The following PTPRD variants were observed in gnomAD, a reference collection of about 807,000 sequenced individuals.
PTPRD encodes protein tyrosine phosphatase receptor type D.
A neutral mutation model predicts 214.5 loss-of-function variants in PTPRD; 34 were observed. The ratio of observed to expected loss-of-function variants is 0.16; its 90% confidence interval spans 0.12 to 0.21. The LOEUF is 0.21. Among genes scored for constraint, PTPRD ranks in the 10% least tolerant of loss-of-function variants. The pLI, the probability that PTPRD is intolerant of heterozygous loss-of-function variation, is 1.00. For synonymous variants in PTPRD, 1,128 were observed against 845.7 expected, an observed-to-expected ratio of 1.33 and a Z score of -5.79; for missense variants, 2,545 against 2,398.7, an observed-to-expected ratio of 1.06 and a Z score of -1.27.
chr9:8,933,206 T>C (rs2098965287), intron 11 of PTPRD, among the ~76,000 whole-genome samples: 1 of 151,942 alleles, frequency 6.6e-6, no homozygotes, highest in African/African-American at 2.4e-5. Context: ...ACCCACTCTC[T>C]AACCAGTTCC....
chr9:9,828,377 C>A (rs926905030), intron 5 of PTPRD, among the ~76,000 whole-genome samples: 1 of 152,098 alleles, frequency 6.6e-6, no homozygotes, highest in Middle Eastern at 3.2e-3. Context: ...AACTGGAAAT[C>A]ATTCTCAGTA....
At chr9:8,899,179 G>A (rs2098644989) in intron 11 of PTPRD, among the ~76,000 whole-genome samples, 1 of 152,244 alleles carries the variant, frequency 6.6e-6, no homozygotes, top group South Asian at 2.1e-4. Flanking sequence ...AAGCCATCTT[G>A]CATTTGCTAC....
At chr9:8,791,703 T>C (rs2154510325) in intron 11 of PTPRD, among the ~76,000 whole-genome samples, 1 of 151,542 alleles carries the variant, frequency 6.6e-6, no homozygotes, top group South Asian at 2.1e-4. Flanking sequence ...AACATGAGAT[T>C]TGAGGGGAAA....
At chr9:9,288,812 C>T (rs1660085162) in intron 9 of PTPRD, among the ~76,000 whole-genome samples, 1 of 151,724 alleles carries the variant, frequency 6.6e-6, no homozygotes, top group Admixed American at 6.6e-5. Flanking sequence ...GGGGCAGTTA[C>T]CCTCGTGATG....
In PTPRD at chr9:8,750,056, C is replaced by T. The variant is rs542796672; in HGVS notation, c.-103-16110G>A. Among the ~76,000 whole-genome samples, 212 of 151,452 alleles carry T rather than the reference C, an allele frequency of 1.4e-3. 1 individual carries two copies. Among genetic ancestry groups the T allele is most frequent in the Middle Eastern group, 0.01 (3 of 294 alleles). ...GGCGGAGGTTGCAGTGAGCCAAGCTCGCGCCACTGCACTCCAGCCTGGGCA... is the reference window on the plus strand; with the variant it reads ...GGCGGAGGTTGCAGTGAGCCAAGCTTGCGCCACTGCACTCCAGCCTGGGCA... On this transcript the variant is annotated intron_variant, in intron 11 of 45. Coordinates refer to ENST00000381196, the MANE Select transcript of PTPRD (RefSeq NM_002839.4).
intron 11 of PTPRD, among the ~76,000 whole-genome samples, chr9:9,010,564 G>GT (rs2154361940): frequency 1.3e-5 from 2 of 152,320 alleles, no homozygotes; most frequent in East Asian, 3.9e-4. Context: ...CAGTGCACAT[G>GT]TTTTCACATG....
intron 11 of PTPRD, among the ~76,000 whole-genome samples, chr9:8,755,921 C>A (rs531708018): frequency 6.6e-6 from 1 of 152,258 alleles, no homozygotes; most frequent in Admixed American, 6.5e-5. Flanking sequence ...GAAAATACAG[C>A]AATATGTAAT....
chr9:8,445,555 T>C (rs2095691608), intron 34 of PTPRD, among the ~76,000 whole-genome samples: 1 of 152,180 alleles, frequency 6.6e-6, no homozygotes, highest in African/African-American at 2.4e-5. Context: ...TGTTCCCGTA[T>C]ATTTGTCCAG....
intron 10 of PTPRD, among the ~76,000 whole-genome samples, chr9:9,129,770 T>G (rs1027780443): frequency 1.3e-5 from 2 of 152,188 alleles, no homozygotes; most frequent in Non-Finnish European, 2.9e-5. Context: ...CCCACATACA[T>G]ATTGACATTG....
intron 5 of PTPRD, among the ~76,000 whole-genome samples, chr9:9,841,802 A>G (rs1476293473): frequency 1.3e-5 from 2 of 152,118 alleles, no homozygotes; most frequent in Non-Finnish European, 2.9e-5. Context: ...CACATGCCAT[A>G]AGGACATTCA....
rs12553150 is a variant in PTPRD at position 9,479,703 on chromosome 9, C to A, written c.-236-82221G>T. On this transcript the variant is annotated intron_variant, in intron 8 of 45. Coordinates refer to ENST00000381196, the MANE Select transcript of PTPRD (RefSeq NM_002839.4). The stretch of plus-strand genomic sequence containing the variant: ...CACTATTGTTTTATAGATTGAAAAC[C>A]TTAAGTAATTTAGTCAGCAGCAAAA... 1.6e-3 allele frequency among the ~76,000 whole-genome samples: 235 copies of A among 150,910 alleles called. 6 individuals are homozygous for A. The highest frequency in any genetic ancestry group is 0.014 in the Admixed American group (206 of 15,016).
intron 11 of PTPRD, among the ~76,000 whole-genome samples, chr9:8,788,864 A>T (rs1361210486): frequency 6.6e-6 from 1 of 152,230 alleles, no homozygotes; most frequent in Non-Finnish European, 1.5e-5. Context: ...ATGGAAATTT[A>T]ATCCAGTACA....
At chr9:9,091,382 C>T (rs1219993492) in intron 10 of PTPRD, 1 of 670,384 alleles carries the variant, frequency 1.5e-6, no homozygotes. Flanking sequence ...TCTCCAATCA[C>T]CTTATGACTC....
intron 10 of PTPRD, among the ~76,000 whole-genome samples, chr9:9,180,680 A>G (rs1428750335): frequency 6.6e-6 from 1 of 152,128 alleles, no homozygotes; most frequent in Non-Finnish European, 1.5e-5. Flanking sequence ...CTACAAAAGG[A>G]AAGAATTTCT....
At chr9:9,759,567 T>G (rs2098632239) in intron 6 of PTPRD, among the ~76,000 whole-genome samples, 1 of 148,076 alleles carries the variant, frequency 6.8e-6, no homozygotes. Flanking sequence ...TTTTTTTTTT[T>G]TTTTTTTTGA....
chr9:8,692,128 A>G (rs972683476), intron 12 of PTPRD, among the ~76,000 whole-genome samples: 1 of 152,196 alleles, frequency 6.6e-6, no homozygotes, highest in Non-Finnish European at 1.5e-5. Flanking sequence ...TTTATAAATA[A>G]AAGATTTTCA....
At chr9:8,527,449 T>A in intron 15 of PTPRD, 96 bp from the exon 16 acceptor site, 1 of 1,044,360 alleles carries the variant, frequency 9.6e-7, no homozygotes, top group East Asian at 2.5e-5. Context: ...AAGCTTTATA[T>A]ACTAAATCAT....
At chr9:8,970,150 T>C (rs1450551369) in intron 11 of PTPRD, among the ~76,000 whole-genome samples, 4 of 151,940 alleles carry the variant, frequency 2.6e-5, no homozygotes, top group African/African-American at 9.7e-5. Context: ...ATTATTTTTG[T>C]CTAGAAACAA....
chr9:8,494,017 C>G (rs1466218278), intron 26 of PTPRD, among the ~76,000 whole-genome samples: 1 of 150,500 alleles, frequency 6.6e-6, no homozygotes, highest in African/African-American at 2.4e-5. Context: ...GACACACACA[C>G]ACACACACAC....
Sources: allele counts gnomAD v4.1 joint callset (sites outside exome capture counted in the v4.1 genomes callset), GRCh38; gene constraint gnomAD v4.1.1; transcripts MANE v1.5; gene names NCBI Gene and HGNC (gene_info 2026-07-23, HGNC 2026-07-21).